SPAG16: variants seen among roughly 807,000 people sequenced by gnomAD.
SPAG16 encodes sperm-associated antigen 16 protein.
A neutral mutation model predicts 80.4 loss-of-function variants in SPAG16; 86 were observed. The ratio of observed to expected loss-of-function variants is 1.07; its 90% CI spans 0.90 to 1.28. The LOEUF (loss-of-function observed/expected upper bound fraction) is 1.28, where lower values mean the gene tolerates loss of function less well. SPAG16 is among the 50% of genes most tolerant of loss of function. SPAG16 has a pLI of 0.00. For missense variants in SPAG16, 870 were observed against 765.3 expected (o/e 1.14, Z -1.61); for synonymous variants, 294 against 265.9 (o/e 1.11, Z -1.03).
rs1355758468 is a variant in SPAG16, at chr2:213,716,487, T to A, written c.1071-145998T>A. ...GAGAAAGAAAGTAACAACTATGTTTTCTTAAACCAAGATAGAGAGTAAGAA... is the reference window on the plus strand; with the variant it reads ...GAGAAAGAAAGTAACAACTATGTTTACTTAAACCAAGATAGAGAGTAAGAA... On this transcript the variant is annotated intron_variant, in intron 10 of 15. Transcript: ENST00000331683. Among the ~76,000 whole-genome samples the A allele has an allele frequency of 2.6e-5, 4 of 152,230 alleles. No individual in the cohort carries two copies. The South Asian group carries it at 8.3e-4, about 32-fold the overall frequency.
At chr2:213,288,205 A>G (rs2062127270) in intron 1 of SPAG16, among the ~76,000 whole-genome samples, 1 of 152,194 alleles carries the variant, frequency 6.6e-6, no homozygotes, top group Non-Finnish European at 1.5e-5. Context: ...GACATGAGCC[A>G]CTGTACCAGG....
At chr2:213,718,938 G>A (rs553597338) in intron 10 of SPAG16, among the ~76,000 whole-genome samples, 2 of 152,352 alleles carry the variant, frequency 1.3e-5, no homozygotes, top group South Asian at 4.1e-4. Context: ...TCCACTAGGT[G>A]AAGCCAGCTG....
At chr2:213,659,686 A>G (rs1019964450) in intron 10 of SPAG16, among the ~76,000 whole-genome samples, 2 of 152,224 alleles carry the variant, frequency 1.3e-5, no homozygotes, top group African/African-American at 4.8e-5. Flanking sequence ...AAACAATGCT[A>G]TCTCAAAATG....
At chr2:213,765,625 T>C (rs1247653666) in intron 10 of SPAG16, among the ~76,000 whole-genome samples, 1 of 152,118 alleles carries the variant, frequency 6.6e-6, no homozygotes, top group African/African-American at 2.4e-5. Flanking sequence ...TATTTACTTG[T>C]TTCTTCTATC....
intron 12 of SPAG16, among the ~76,000 whole-genome samples, chr2:213,952,082 C>T (rs577379155): frequency 4.6e-5 from 7 of 152,062 alleles, no homozygotes; most frequent in African/African-American, 1.4e-4. Context: ...AAAGGATTAC[C>T]AGTTGGAGGT....
intron 10 of SPAG16, among the ~76,000 whole-genome samples, chr2:213,503,361 T>A (rs2125784375): frequency 6.6e-6 from 1 of 152,320 alleles, no homozygotes; most frequent in South Asian, 2.1e-4. Context: ...TAGATATCTT[T>A]ATGACATTGC....
chr2:214,071,143 T>C (rs2125225297), intron 13 of SPAG16, among the ~76,000 whole-genome samples: 1 of 152,244 alleles, frequency 6.6e-6, no homozygotes, highest in African/African-American at 2.4e-5. Flanking sequence ...ATGAAGACTT[T>C]TGTGATAGAT....
chr2:214,188,879 G>A (rs1173108578), intron 15 of SPAG16, among the ~76,000 whole-genome samples: 1 of 152,096 alleles, frequency 6.6e-6, no homozygotes, highest in Non-Finnish European at 1.5e-5. Flanking sequence ...ACTGATTCAA[G>A]TGTGGGGTCC....
At chr2:213,935,632 A>C (rs570800710) in intron 12 of SPAG16, among the ~76,000 whole-genome samples, 1 of 152,212 alleles carries the variant, frequency 6.6e-6, no homozygotes, top group Non-Finnish European at 1.5e-5. Flanking sequence ...TTAGTAGGAC[A>C]CTGTTTCAAT....
intron 13 of SPAG16, among the ~76,000 whole-genome samples, chr2:214,061,111 C>A (rs1265326176): frequency 2.0e-5 from 3 of 152,150 alleles, no homozygotes; most frequent in Non-Finnish European, 4.4e-5. Context: ...GTAAGTCCTT[C>A]ATAGAGAAAC....
intron 11 of SPAG16, among the ~76,000 whole-genome samples, chr2:213,916,404 G>T (rs1423808137): frequency 6.6e-6 from 1 of 152,158 alleles, no homozygotes; most frequent in African/African-American, 2.4e-5. Context: ...TCTCAGGTTT[G>T]TCAAAGATCA....
chr2:214,358,952 CT>C (rs151184336), intron 15 of SPAG16, among the ~76,000 whole-genome samples: 2,607 of 151,900 alleles, frequency 0.017, 22 homozygotes, highest in Non-Finnish European at 0.022. Flanking sequence ...AATTTGCTAC[CT>C]TTTTTTCCTT....
intron 15 of SPAG16, among the ~76,000 whole-genome samples, chr2:214,380,527 T>C (rs1030604774): frequency 6.6e-6 from 1 of 152,232 alleles, no homozygotes; most frequent in African/African-American, 2.4e-5. Context: ...TTTTATTTTT[T>C]AATAAAAATT....
At chr2:213,499,128 C>G (rs886112862) in intron 10 of SPAG16, among the ~76,000 whole-genome samples, 1 of 152,094 alleles carries the variant, frequency 6.6e-6, no homozygotes, top group Non-Finnish European at 1.5e-5. Context: ...CTTCTGCACC[C>G]CTTATGCTCT....
chr2:214,117,434 A>G (rs547824454), intron 14 of SPAG16, among the ~76,000 whole-genome samples: 14 of 152,312 alleles, frequency 9.2e-5, no homozygotes, highest in Non-Finnish European at 2.1e-4. Context: ...AAAAAGAGCT[A>G]ATACCAATGT....
chr2:213,629,926 TG>T (rs1004168761), intron 10 of SPAG16, among the ~76,000 whole-genome samples: 2 of 152,244 alleles, frequency 1.3e-5, no homozygotes, highest in African/African-American at 4.8e-5. Flanking sequence ...TCTGACCCTC[TG>T]GCTTCAGAAA....
At chr2:214,210,451 A>G (rs953456835) in intron 15 of SPAG16, among the ~76,000 whole-genome samples, 15 of 152,278 alleles carry the variant, frequency 9.9e-5, no homozygotes, top group Middle Eastern at 6.8e-3. Flanking sequence ...TTAATTGACT[A>G]TGATATTGAT....
chr2:213,514,472 T>A (rs114806980), intron 10 of SPAG16, among the ~76,000 whole-genome samples: 2,612 of 151,914 alleles, frequency 0.017, 73 homozygotes, highest in African/African-American at 0.059. Flanking sequence ...GTCGGCATAT[T>A]TTTTTTTATT....
At chr2:213,625,001 G>T (rs1342364278) in intron 10 of SPAG16, among the ~76,000 whole-genome samples, 3 of 152,130 alleles carry the variant, frequency 2.0e-5, no homozygotes, top group African/African-American at 7.2e-5. Context: ...ATGTTGGCCA[G>T]TCTGGTCTCA....
Sources: gnomAD v4.1 joint callset for allele counts (sites outside exome capture counted in the v4.1 genomes callset) on GRCh38, gnomAD v4.1.1 for gene constraint, MANE v1.5 for transcripts, NCBI Gene and HGNC (gene_info 2026-07-23, HGNC 2026-07-21) for gene names.